BICD1: variants seen among roughly 807,000 people sequenced by gnomAD.
BICD1 encodes the protein protein bicaudal D homolog 1.
Under a neutral mutation model 92.5 loss-of-function variants are expected in BICD1, and 35 were observed. The observed-to-expected ratio is 0.38, with a 90% CI of 0.29 to 0.50. The LOEUF is 0.50. BICD1 is among the 20% of genes least tolerant of loss of function. The pLI, the probability that BICD1 is intolerant of heterozygous loss-of-function variation, is 0.93. For missense variants in BICD1, 950 were observed against 1,189.8 expected, an observed-to-expected ratio of 0.80 and a Z score of 2.97; for synonymous variants, 429 against 465.1, an observed-to-expected ratio of 0.92 and a Z score of 1.00.
chr12:32,185,866 T>C (rs74072003), intron 1 of BICD1, among the ~76,000 whole-genome samples: 5,406 of 152,304 alleles, frequency 0.035, 317 homozygotes, highest in African/African-American at 0.12. Flanking sequence ...CACCACGCCA[T>C]TTCATCTTTT....
intron 1 of BICD1, among the ~76,000 whole-genome samples, chr12:32,137,634 T>C (rs1208538576): frequency 1.3e-5 from 2 of 152,174 alleles, no homozygotes; most frequent in Admixed American, 1.3e-4. Flanking sequence ...TACTTTTTGC[T>C]ACTGTATCAT....
In BICD1 at chr12:32,184,411, C is replaced by T. The variant is rs543766869; in HGVS notation, c.214-31836C>T. Among the ~76,000 whole-genome samples, 6 of 152,190 alleles carry T rather than the reference C, an allele frequency of 3.9e-5. No individual in the cohort carries two copies. In the East Asian group the frequency reaches 7.7e-4, roughly 20 times the overall value. ...AAGCGATTCTCCTGCCTCAGCCTCC[C>T]GAGTAGCTGGGATTACAGACGCATG... On this transcript the variant is annotated intron_variant, in intron 1 of 9. Coordinates refer to ENST00000652176, the MANE Select transcript of BICD1 (RefSeq NM_001714.4).
intron 4 of BICD1, among the ~76,000 whole-genome samples, chr12:32,312,454 A>C (rs1274034392): frequency 6.6e-6 from 1 of 152,194 alleles, no homozygotes; most frequent in Non-Finnish European, 1.5e-5. Flanking sequence ...TTTATAAATT[A>C]TTATTGTCCT....
At chr12:32,347,469 C>A (rs1201229023) in intron 8 of BICD1, among the ~76,000 whole-genome samples, 1 of 151,416 alleles carries the variant, frequency 6.6e-6, no homozygotes, top group East Asian at 2.0e-4. Flanking sequence ...GAAACCCCGT[C>A]TCTACTAAAA....
intron 3 of BICD1, among the ~76,000 whole-genome samples, chr12:32,296,022 C>T (rs1327926213): frequency 1.3e-5 from 2 of 151,936 alleles, no homozygotes; most frequent in Admixed American, 1.3e-4. Flanking sequence ...TGTAAGGGGA[C>T]AGTTTCAGTC....
intron 2 of BICD1, among the ~76,000 whole-genome samples, chr12:32,288,863 C>CAAA (rs1049465829): frequency 7.5e-6 from 1 of 132,860 alleles, no homozygotes; most frequent in African/African-American, 2.7e-5. Context: ...AAGACTCTTT[C>CAAA]AAAAAAAAAA....
At chr12:32,321,871 C>A (rs891472956) in intron 4 of BICD1, among the ~76,000 whole-genome samples, 1 of 152,104 alleles carries the variant, frequency 6.6e-6, no homozygotes, top group East Asian at 1.9e-4. Flanking sequence ...CAGTGGCAGA[C>A]GCCTGTAATC....
Position 32,115,386 on chromosome 12 carries a change from G to GTTTTTT in BICD1, c.213+7842_213+7843insTTTTTT, listed in dbSNP as rs149711623. ...GGGTTTTTGTGTGTGTGGTGTTTTT[G>GTTTTTT]GTTTTTTTTTTTTTGCTGTTTTTCT... On this transcript the variant is annotated intron_variant, in intron 1 of 9. Transcript: ENST00000652176. Among the ~76,000 whole-genome samples the GTTTTTT allele has an allele frequency of 1.1e-3, 106 of 97,766 alleles. 3 individuals carry two copies. The highest frequency in any genetic ancestry group is 3.4e-3 in the South Asian group (11 of 3,214). The allele number at this position is 97,766 out of a possible 152,430, so 64.1% of individuals were successfully genotyped here. A position where few individuals can be genotyped will look rare whatever the true frequency, so the allele number is the denominator to read the frequency against.
intron 1 of BICD1, among the ~76,000 whole-genome samples, chr12:32,174,512 A>G (rs184317549): frequency 4.7e-4 from 71 of 152,230 alleles, no homozygotes; most frequent in Admixed American, 1.6e-3. Flanking sequence ...CCAAAAAAAA[A>G]AGAGAAAAAA....
intron 2 of BICD1, among the ~76,000 whole-genome samples, chr12:32,231,495 C>G (rs1945885680): frequency 6.6e-6 from 1 of 151,926 alleles, no homozygotes; most frequent in South Asian, 2.1e-4. Flanking sequence ...TTCCCAGAAT[C>G]CAAATGTTGA....
At chr12:32,135,386 C>CTTTT (rs71064999) in intron 1 of BICD1, among the ~76,000 whole-genome samples, 2 of 44,834 alleles carry the variant, frequency 4.5e-5, no homozygotes, top group African/African-American at 2.1e-4. Context: ...CCATGCGTGG[C>CTTTT]TTTTTTTTTT....
At chr12:32,119,659 G>T (rs1942072429) in intron 1 of BICD1, among the ~76,000 whole-genome samples, 1 of 152,182 alleles carries the variant, frequency 6.6e-6, no homozygotes, top group African/African-American at 2.4e-5. Context: ...ATCATATGAG[G>T]CCAGGAGTTT....
In BICD1 at chr12:32,362,866, TAAAG is replaced by T. The variant is rs1592721370; in HGVS notation, c.2765-4800_2765-4797del. Among the ~76,000 whole-genome samples, 3 of 151,932 alleles carry T rather than the reference TAAAG, an allele frequency of 2.0e-5. No homozygotes were observed. The East Asian group carries it at 5.8e-4, about 29-fold the overall frequency. The stretch of plus-strand genomic sequence containing the variant: ...AGCAGGAGAGATTTTAAAAAGAAGT[TAAAG>T]AAAAAAATATGTGAGACTATGATAT... On this transcript the variant is annotated intron_variant, in intron 8 of 9. Coordinates refer to ENST00000652176, the MANE Select transcript of BICD1 (RefSeq NM_001714.4).
In BICD1 at chr12:32,119,763, C is replaced by T. The variant is rs897299716; in HGVS notation, c.213+12219C>T. Among the ~76,000 whole-genome samples, 20 of 152,112 alleles carry T rather than the reference C, an allele frequency of 1.3e-4. No individual in the cohort carries two copies. The East Asian group carries it at 2.9e-3, about 22-fold the overall frequency. On this transcript the variant is annotated intron_variant, in intron 1 of 9. Transcript: ENST00000652176. ...GCATGCGCCTGTAGTCCCAGCTATT[C>T]GGGAGACTGAGGCATGAGAATTGCT...
At chr12:32,284,978 CTT>C (rs1947524890) in intron 2 of BICD1, among the ~76,000 whole-genome samples, 1 of 152,152 alleles carries the variant, frequency 6.6e-6, no homozygotes, top group African/African-American at 2.4e-5. Context: ...CTGTTTCTGT[CTT>C]CTCTTTTCTT....
At chr12:32,190,438 A>G (rs558250887) in intron 1 of BICD1, among the ~76,000 whole-genome samples, 1 of 152,382 alleles carries the variant, frequency 6.6e-6, no homozygotes, top group East Asian at 1.9e-4. Context: ...AAAAGAGAGC[A>G]GGAGTGGCTT....
At chr12:32,314,166 A>C (rs1337175659) in intron 4 of BICD1, among the ~76,000 whole-genome samples, 4 of 152,192 alleles carry the variant, frequency 2.6e-5, no homozygotes, top group Admixed American at 2.6e-4. Flanking sequence ...TCATGTAACC[A>C]TTCATCAGTT....
At chr12:32,320,288 A>C (rs1373337297) in intron 4 of BICD1, among the ~76,000 whole-genome samples, 1 of 152,122 alleles carries the variant, frequency 6.6e-6, no homozygotes, top group Non-Finnish European at 1.5e-5. Context: ...GCAGGATTGC[A>C]TGAGGCCAGG....
At chr12:32,232,772 G>A (rs561921475) in intron 2 of BICD1, among the ~76,000 whole-genome samples, 1 of 152,244 alleles carries the variant, frequency 6.6e-6, no homozygotes, top group Admixed American at 6.5e-5. Context: ...TGTATAAGGT[G>A]TAAGGAAGGG....
Sources: allele counts gnomAD v4.1 joint callset (sites outside exome capture counted in the v4.1 genomes callset), GRCh38; gene constraint gnomAD v4.1.1; transcripts MANE v1.5; gene names NCBI Gene and HGNC (gene_info 2026-07-23, HGNC 2026-07-21).